HDAC7: variants seen among roughly 807,000 people sequenced by gnomAD.
The protein encoded by HDAC7 is histone deacetylase 7A.
HDAC7 carries 26 observed loss-of-function variants against 115.5 expected under a neutral mutation model. That is an observed-to-expected ratio of 0.23 (90% CI 0.16 to 0.31). The LOEUF is 0.31. Ranked by LOEUF, HDAC7 falls within the 10% of genes least tolerant of loss-of-function variation. The probability of loss-of-function intolerance (pLI) is 1.00; values close to 1 mark genes in which losing one functional copy is unlikely to be tolerated. For missense variants in HDAC7, 1,068 were observed against 1,329.0 expected (o/e 0.80, Z 3.05); for synonymous variants, 564 against 550.9 (o/e 1.02, Z -0.33).
intron 23 of HDAC7, 27 bp downstream of exon 23, chr12:47,785,725 C>T: frequency 6.3e-7 from 1 of 1,593,086 alleles, no homozygotes. Flanking sequence ...CTGACAGAAG[C>T]ATGGATGGGG....
chr12:47,809,755 G>A (rs1006157020), intron 1 of HDAC7, among the ~76,000 whole-genome samples: 1 of 151,654 alleles, frequency 6.6e-6, no homozygotes, highest in Non-Finnish European at 1.5e-5. Context: ...ATATTTAGTA[G>A]AGACGGGGTT....
chr12:47,802,105 C>G, intron 2 of HDAC7, 119 bp downstream of exon 2: 1 of 1,111,882 alleles, frequency 9.0e-7, no homozygotes, highest in South Asian at 1.5e-5. Flanking sequence ...CCTCCTGGCT[C>G]TCTGGCAGAT....
rs1442622535 is a variant in HDAC7, at chr12:47,795,666, C to T, written c.1008G>A (p.Glu336=). Residue 336 remains glutamate (E), a synonymous_variant, in exon 10 of 26, where the codon GAG becomes GAA. Transcript: ENST00000080059. The surrounding 1 kb of genome is among the most constrained non-coding windows in gnomAD (Gnocchi z 4.3). The part of the protein sequence containing the change: ...PLFLPHGLEP[E]AGGTLPSRLQ... ...GGCGAGAGGGCAAGGTGCCCCCAGC[C>T]TCGGGCTCCAAGCCATGGGGCAGGA... is the stretch of plus-strand genomic sequence containing the variant. The T allele has an allele frequency of 6.4e-7, 1 of 1,552,724 alleles. No homozygotes were observed. The highest frequency in any genetic ancestry group is 1.2e-5 in the South Asian group (1 of 84,164).
chr12:47,786,784 C>T (rs1943193094), intron 21 of HDAC7, 81 bp from the exon 22 acceptor site: 2 of 1,091,908 alleles, frequency 1.8e-6, no homozygotes, highest in South Asian at 2.7e-5. Context: ...GGTGGGGCAC[C>T]CTGTTCTTAG....
Position 47,802,436 on chromosome 12 carries a change from C to T in HDAC7, c.20-162G>A, listed in dbSNP as rs1420902672. 1.9e-6 allele frequency: 3 copies of T among 1,548,856 alleles called. No homozygotes were observed. In the East Asian group the frequency reaches 7.3e-5, roughly 38 times the overall value. ...GCTAATCAAAACGAGAAGACCCCAC[C>T]CCATTCGACTCCTCCAGTCCCCCTG... is the stretch of plus-strand genomic sequence containing the variant. On this transcript the variant is annotated intron_variant, in intron 1 of 25. Transcript: ENST00000080059.
intron 2 of HDAC7, among the ~76,000 whole-genome samples, chr12:47,800,517 G>A (rs1469999643): frequency 4.6e-5 from 7 of 152,180 alleles, no homozygotes; most frequent in Middle Eastern, 3.2e-3. Flanking sequence ...CCCAGATGCC[G>A]CCCGCAGTAG....
At position 47,796,015 on chromosome 12, in the gene HDAC7, G is replaced by A. The variant is rs200019715; in HGVS notation, c.797C>T (p.Ala266Val). ...HGPNPILGSE[A>V]LLGQRLRLQE... ...CAGCCGCAGCCGCTGGCCCAAGAGC[G>A]CCTGCCATAGGGAGCAGGGCGAGGG... is the stretch of plus-strand genomic sequence containing the variant. Residue 266 changes from alanine (A) to valine (V), a missense_variant and splice_region_variant, in exon 9 of 26, where the codon GCG (alanine) becomes GTG (valine). This residue lies in a region of HDAC7 where 618 missense variants were observed against 701.5 expected (regional missense o/e 0.88). Transcript: ENST00000080059. 61 of 1,549,322 alleles carry A rather than the reference G, an allele frequency of 3.9e-5. No homozygotes were observed. Among genetic ancestry groups the A allele is most frequent in the African/African-American group, 2.1e-4 (15 of 73,132 alleles).
chr12:47,810,842 CTCTCT>C (rs200861069), intron 1 of HDAC7, among the ~76,000 whole-genome samples: 1 of 93,202 alleles, frequency 1.1e-5, no homozygotes, highest in Admixed American at 9.4e-5. Flanking sequence ...CTCTCTCTCT[CTCTCT>C]ATCTCTATCT....
At chr12:47,786,467 GCT>G in intron 22 of HDAC7, 116 bp downstream of exon 22, 1 of 712,022 alleles carries the variant, frequency 1.4e-6, no homozygotes, top group South Asian at 1.7e-5. Flanking sequence ...CAGTCCTCAG[GCT>G]GAAAGCCCTG....
chr12:47,799,941 C>T (rs1486257533), intron 2 of HDAC7, among the ~76,000 whole-genome samples: 2 of 152,136 alleles, frequency 1.3e-5, no homozygotes, highest in African/African-American at 4.8e-5. Context: ...AGTGGAGAAG[C>T]CTTCCTGGAG....
intron 1 of HDAC7, among the ~76,000 whole-genome samples, chr12:47,806,792 T>G (rs1402514275): frequency 6.6e-6 from 1 of 152,198 alleles, no homozygotes; most frequent in Non-Finnish European, 1.5e-5. Context: ...GGGTGCTCCC[T>G]TGTGGTAGCG....
At position 47,795,216 on chromosome 12, in the gene HDAC7, C is replaced by G. The variant is rs751444243; in HGVS notation, c.1252G>C (p.Glu418Gln). 7.4e-6 allele frequency: 12 copies of G among 1,613,032 alleles called. No homozygotes were observed. Among genetic ancestry groups the G allele is most frequent in the Non-Finnish European group, 1.0e-5 (12 of 1,179,508 alleles). Residue 418 changes from glutamate (E) to glutamine (Q), a missense_variant, in exon 11 of 26, where the codon GAG (glutamate) becomes CAG (glutamine). By Grantham distance (29) the Glu-to-Gln change is conservative (BLOSUM62 2). Coordinates refer to ENST00000080059, the MANE Select transcript of HDAC7 (RefSeq NM_015401.5). The surrounding 1 kb of genome is among the most constrained non-coding windows in gnomAD (Gnocchi z 4.3). Reference protein sequence around the residue: ...PPPGPMQPRLEQLKTHVQVIK... With the variant: ...PPPGPMQPRLQQLKTHVQVIK... ...ACCTGGACGTGAGTTTTGAGCTGCT[C>G]CAGGCGGGGCTGCATGGGGCCCGGC...
intron 1 of HDAC7, among the ~76,000 whole-genome samples, chr12:47,810,455 C>T (rs1168937772): frequency 6.6e-6 from 1 of 152,212 alleles, no homozygotes; most frequent in Non-Finnish European, 1.5e-5. Flanking sequence ...GGATGCAAGA[C>T]ACAGTGAGGC....
At chr12:47,784,902 T>A in intron 24 of HDAC7, 3 of 785,338 alleles carry the variant, frequency 3.8e-6, no homozygotes, top group Non-Finnish European at 6.1e-6. Context: ...TTTTTATCCC[T>A]AGTATAGATT....
At chr12:47,818,333 C>A (rs1188262519) in intron 1 of HDAC7, among the ~76,000 whole-genome samples, 1 of 152,220 alleles carries the variant, frequency 6.6e-6, no homozygotes, top group Non-Finnish European at 1.5e-5. Context: ...AGGACCAGTC[C>A]CAATAGGTCC....
chr12:47,798,222 G>A lies in HDAC7; in HGVS notation c.350-3C>T, dbSNP rs1234781495. The A allele has an allele frequency of 4.4e-6, 7 of 1,609,130 alleles. No homozygotes were observed. The highest frequency in any genetic ancestry group is 1.3e-5 in the African/African-American group (1 of 74,766). Reference sequence around the variant, plus strand: ...GACCACGCTGCTGGCTACAGCACCTGTAGGGGCAGAGTCAGGAGGGGGCTG... The same window carrying A: ...GACCACGCTGCTGGCTACAGCACCTATAGGGGCAGAGTCAGGAGGGGGCTG... On this transcript the variant is annotated splice_polypyrimidine_tract_variant and splice_region_variant and intron_variant, in intron 4 of 25. Coordinates refer to ENST00000080059, the MANE Select transcript of HDAC7 (RefSeq NM_015401.5). This position sits in a 1 kb window ranked among gnomAD's most constrained non-coding sequence, Gnocchi z 4.3.
chr12:47,784,457 A>C (rs1943046350), intron 24 of HDAC7: 2 of 602,810 alleles, frequency 3.3e-6, no homozygotes, highest in Admixed American at 6.1e-5. Context: ...GCAGGTGCCC[A>C]GCCTTTCTCT....
chr12:47,786,479 G>A lies in HDAC7; in HGVS notation c.2572+106C>T. 3.9e-6 allele frequency: 3 copies of A among 775,628 alleles called. No homozygotes were observed. In the South Asian group the frequency reaches 4.8e-5, roughly 12 times the overall value. The allele number at this position is 775,628 out of a possible 1,614,324, so 48.0% of individuals were successfully genotyped here. ...CTCCAGTCCTCAGGCTGAAAGCCCT[G>A]GGCTGGCCACTGCCACCTTCCCTTT... On this transcript the variant is annotated intron_variant, in intron 22 of 25. Transcript: ENST00000080059.
Position 47,798,433 on chromosome 12 carries a change from G to T in HDAC7, c.349+129C>A. ...ACATTCACAGGCAGAGCCCAGGCAA[G>T]CAGAGGGAAAGCCTCGGCTCAGGCC... On this transcript the variant is annotated intron_variant, in intron 4 of 25. Transcript: ENST00000080059. This position sits in a 1 kb window ranked among gnomAD's most constrained non-coding sequence, Gnocchi z 4.3. 1 of 858,482 alleles carries T rather than the reference G, an allele frequency of 1.2e-6. No individual in the cohort carries two copies. The highest frequency in any genetic ancestry group is 1.5e-5 in the South Asian group (1 of 67,252). The allele number at this position is 858,482 out of a possible 1,614,324, so 53.2% of individuals were successfully genotyped here.
Sources: allele counts gnomAD v4.1 joint callset (sites outside exome capture counted in the v4.1 genomes callset), GRCh38; gene constraint gnomAD v4.1.1; regional missense constraint gnomAD v4.1.1; non-coding constraint Gnocchi (gnomAD v3.1); transcripts MANE v1.5; gene names NCBI Gene and HGNC (gene_info 2026-07-23, HGNC 2026-07-21).